Variants in CPNE4 observed in about 807,000 individuals in gnomAD.
The protein encoded by CPNE4 is copine-4.
CPNE4 carries 25 observed loss-of-function variants against 67.9 expected under a neutral mutation model. That is an observed-to-expected ratio of 0.37 (90% CI 0.27 to 0.51). The LOEUF (loss-of-function observed/expected upper bound fraction) is 0.51. Ranked by LOEUF, CPNE4 falls within the 20% of genes least tolerant of loss-of-function variation. The pLI, the probability that CPNE4 is intolerant of heterozygous loss-of-function variation, is 0.93. For missense variants in CPNE4, 464 were observed against 690.8 expected, an observed-to-expected ratio of 0.67 and a Z score of 3.68; for synonymous variants, 242 against 244.9, an observed-to-expected ratio of 0.99 and a Z score of 0.11.
Position 131,754,867 on chromosome 3 carries a change from A to G in CPNE4, c.181-31242T>C, listed in dbSNP as rs2082716144. 2.0e-5 allele frequency among the ~76,000 whole-genome samples: 3 copies of G among 152,148 alleles called. No homozygotes were observed. In the South Asian group the frequency reaches 6.2e-4, roughly 32 times the overall value. On this transcript the variant is annotated intron_variant, in intron 2 of 15. Coordinates refer to ENST00000429747, the MANE Select transcript of CPNE4 (RefSeq NM_130808.3). ...GTATTTGATGAATACCCTGTTAAAT[A>G]CTATCTTTAAGTAATTTATGTTTTC...
intron 2 of CPNE4, among the ~76,000 whole-genome samples, chr3:131,836,640 C>G (rs887581055): frequency 6.6e-6 from 1 of 152,196 alleles, no homozygotes; most frequent in African/African-American, 2.4e-5. Context: ...GGAAGAATAT[C>G]TGTCTCTGCA....
chr3:131,732,708 C>T (rs527493325), intron 2 of CPNE4, among the ~76,000 whole-genome samples: 27 of 152,264 alleles, frequency 1.8e-4, no homozygotes, highest in South Asian at 4.2e-4. Context: ...CATCTTGAAG[C>T]GGTCCCTTCA....
At chr3:131,848,234 C>G (rs893348821) in intron 2 of CPNE4, among the ~76,000 whole-genome samples, 3 of 152,090 alleles carry the variant, frequency 2.0e-5, no homozygotes, top group African/African-American at 2.4e-5. Context: ...GGAGGCAAAG[C>G]CTTCCTCTAG....
chr3:131,547,368 A>T (rs6773753), intron 14 of CPNE4, among the ~76,000 whole-genome samples: 23,409 of 145,896 alleles, frequency 0.16, 1,935 homozygotes, highest in South Asian at 0.21. Context: ...GGCCAGAGGA[A>T]TGCTTCAGCC....
chr3:131,801,338 T>TATATATATATATATGTACC (rs2084093765), intron 2 of CPNE4, among the ~76,000 whole-genome samples: 1 of 121,068 alleles, frequency 8.3e-6, no homozygotes, highest in Admixed American at 9.4e-5. Context: ...AAACCATACA[T>TATATATATATATATGTACC]ATATATATAT....
intron 3 of CPNE4, among the ~76,000 whole-genome samples, chr3:131,704,460 A>G: frequency 6.6e-6 from 1 of 152,168 alleles, no homozygotes; most frequent in African/African-American, 2.4e-5. Context: ...TCCCAGTGAA[A>G]TGAAGCTCCA....
intron 7 of CPNE4, among the ~76,000 whole-genome samples, chr3:131,624,166 TC>T (rs1243778945): frequency 6.6e-6 from 1 of 152,236 alleles, no homozygotes; most frequent in Non-Finnish European, 1.5e-5. Flanking sequence ...ACCTGGGTTT[TC>T]TGAGTCTGAC....
At chr3:131,890,000 T>C (rs962690609) in intron 2 of CPNE4, among the ~76,000 whole-genome samples, 1 of 151,938 alleles carries the variant, frequency 6.6e-6, no homozygotes, top group African/African-American at 2.4e-5. Flanking sequence ...CAAGAAAATA[T>C]AGAAAAAAAT....
At chr3:131,766,211 C>T (rs1312305681) in intron 2 of CPNE4, among the ~76,000 whole-genome samples, 6 of 152,130 alleles carry the variant, frequency 3.9e-5, no homozygotes, top group Non-Finnish European at 8.8e-5. Context: ...ATACTCTAAG[C>T]CTCAGTTTTC....
At chr3:131,694,644 T>C (rs982288642) in intron 5 of CPNE4, among the ~76,000 whole-genome samples, 5 of 152,132 alleles carry the variant, frequency 3.3e-5, no homozygotes, top group African/African-American at 1.2e-4. Flanking sequence ...TGAAATGCTT[T>C]CTCTGGGAGA....
chr3:131,557,154 C>T (rs1420442133), intron 11 of CPNE4, among the ~76,000 whole-genome samples: 2 of 152,114 alleles, frequency 1.3e-5, no homozygotes, highest in African/African-American at 2.4e-5. Flanking sequence ...CCTCTTTAAT[C>T]GAATAGTTGT....
chr3:131,751,739 T>A lies in CPNE4; in HGVS notation c.181-28114A>T, dbSNP rs35375497. Among the ~76,000 whole-genome samples, 949 of 151,848 alleles carry A rather than the reference T, an allele frequency of 6.2e-3. 6 individuals carry two copies. Among genetic ancestry groups the A allele is most frequent in the Non-Finnish European group, 0.011 (757 of 67,962 alleles). On this transcript the variant is annotated intron_variant, in intron 2 of 15. Transcript: ENST00000429747. ...TTTGTATGTATTTTGAGACTCTGGA[T>A]CTTATTTAAATCTTCTGTTTAGCTG...
chr3:131,907,962 A>G (rs542721748), intron 1 of CPNE4, among the ~76,000 whole-genome samples: 48 of 152,228 alleles, frequency 3.2e-4, no homozygotes, highest in Middle Eastern at 3.4e-3. Flanking sequence ...TTTGTTTTTT[A>G]CAGATGAAAA....
intron 1 of CPNE4, among the ~76,000 whole-genome samples, chr3:131,972,154 A>G (rs1293990139): frequency 6.6e-6 from 1 of 152,172 alleles, no homozygotes; most frequent in Non-Finnish European, 1.5e-5. Context: ...AAAAAGAAAT[A>G]CCTATCTTCT....
chr3:131,856,891 G>A (rs1841539), intron 2 of CPNE4, among the ~76,000 whole-genome samples: 48,599 of 151,862 alleles, frequency 0.32, 8,319 homozygotes, highest in African/African-American at 0.42. Flanking sequence ...TAGCAAAGCT[G>A]GCATTTGACA....
intron 1 of CPNE4, among the ~76,000 whole-genome samples, chr3:132,015,344 A>G (rs1295312637): frequency 6.6e-6 from 1 of 152,208 alleles, no homozygotes; most frequent in African/African-American, 2.4e-5. Context: ...AGTGAGGCTT[A>G]CATTTACCAG....
chr3:131,652,101 A>G (rs2079828349), intron 7 of CPNE4, among the ~76,000 whole-genome samples: 1 of 152,250 alleles, frequency 6.6e-6, no homozygotes, highest in African/African-American at 2.4e-5. Context: ...CATTGCCGAT[A>G]TGCTTTCCAA....
intron 2 of CPNE4, among the ~76,000 whole-genome samples, chr3:131,755,258 G>GAGTAC (rs1225881448): frequency 6.6e-6 from 1 of 150,546 alleles, no homozygotes; most frequent in Non-Finnish European, 1.5e-5. Flanking sequence ...AGGGAGCTGT[G>GAGTAC]AGTACATAAT....
chr3:131,636,080 CAA>C (rs749734624), intron 7 of CPNE4, among the ~76,000 whole-genome samples: 17 of 52,752 alleles, frequency 3.2e-4, no homozygotes, highest in Admixed American at 3.6e-4. Flanking sequence ...GACTCCGTCT[CAA>C]AAAAAAAAAA....
Sources: allele counts gnomAD v4.1 joint callset (sites outside exome capture counted in the v4.1 genomes callset), GRCh38; gene constraint gnomAD v4.1.1; transcripts MANE v1.5; gene names NCBI Gene and HGNC (gene_info 2026-07-23, HGNC 2026-07-21).